Variants in SIPA1L1 observed in about 807,000 individuals in gnomAD.
The protein encoded by SIPA1L1 is signal-induced proliferation-associated 1-like protein 1.
Under a neutral mutation model 162.7 loss-of-function variants are expected in SIPA1L1, and 26 were observed. The observed-to-expected ratio is 0.16, with a 90% CI of 0.12 to 0.22. SIPA1L1 has a LOEUF of 0.22. SIPA1L1 is among the 10% of genes least tolerant of loss of function. The pLI is 1.00. For missense variants in SIPA1L1, 1,874 were observed against 2,241.0 expected (o/e 0.84, Z 3.31); for synonymous variants, 829 against 837.4 (o/e 0.99, Z 0.17).
chr14:71,425,707 T>G (rs2043509472), intron 2 of SIPA1L1, among the ~76,000 whole-genome samples: 1 of 152,154 alleles, frequency 6.6e-6, no homozygotes, highest in Non-Finnish European at 1.5e-5. Flanking sequence ...TGTATATACC[T>G]GTTAGTTCAG....
In SIPA1L1 at chr14:71,588,446, A is replaced by G. The variant is rs2034870289; in HGVS notation, c.574A>G (p.Ile192Val). 5 of 1,614,148 alleles carry G rather than the reference A, an allele frequency of 3.1e-6. No homozygotes were observed. The highest frequency in any genetic ancestry group is 1.3e-5 in the African/African-American group (1 of 75,054). ...TGATGTGGATAGCTTTGATGAATGT[A>G]TCTCACCTACATACAAGACTGGACC... ...ELDVDSFDEC[I>V]SPTYKTGPSL... The change falls in exon 5 of 24, where the codon ATC becomes GTC. Residue 192 changes from isoleucine to valine, a missense_variant. Physicochemically the swap from Ile to Val is conservative, Grantham distance 29. Coordinates refer to ENST00000381232, the MANE Select transcript of SIPA1L1 (RefSeq NM_001386936.1). The surrounding 1 kb of genome is among the most constrained non-coding windows in gnomAD (Gnocchi z 4.3).
chr14:71,610,496 A>G (rs2038082125), intron 5 of SIPA1L1, among the ~76,000 whole-genome samples: 1 of 152,210 alleles, frequency 6.6e-6, no homozygotes, highest in Admixed American at 6.5e-5. Flanking sequence ...AACATTTATT[A>G]AAGACCAACA....
chr14:71,702,095 T>C (rs2082135222), intron 14 of SIPA1L1, among the ~76,000 whole-genome samples: 1 of 152,238 alleles, frequency 6.6e-6, no homozygotes, highest in Non-Finnish European at 1.5e-5. Flanking sequence ...TGGTTTCTTA[T>C]ACTACATACC....
At chr14:71,398,964 C>T (rs1191631029) in intron 2 of SIPA1L1, among the ~76,000 whole-genome samples, 1 of 152,198 alleles carries the variant, frequency 6.6e-6, no homozygotes, top group Non-Finnish European at 1.5e-5. Flanking sequence ...AATACATATT[C>T]TTAAATAAAG....
chr14:71,460,726 A>T (rs528178829), intron 2 of SIPA1L1, among the ~76,000 whole-genome samples: 2 of 152,324 alleles, frequency 1.3e-5, no homozygotes, highest in African/African-American at 4.8e-5. Flanking sequence ...GGTGATGGTG[A>T]GTGGTACCAC....
intron 2 of SIPA1L1, among the ~76,000 whole-genome samples, chr14:71,374,670 C>T (rs2039209969): frequency 1.3e-5 from 2 of 148,358 alleles, no homozygotes; most frequent in Non-Finnish European, 3.0e-5. Flanking sequence ...TCCTGCTTCT[C>T]TCTCTGAGGC....
chr14:71,447,677 C>T (rs552731804), intron 2 of SIPA1L1, among the ~76,000 whole-genome samples: 1 of 151,066 alleles, frequency 6.6e-6, no homozygotes, highest in Admixed American at 6.6e-5. Context: ...GATTTTTGTG[C>T]CTCAGGCTCC....
chr14:71,354,746 G>A (rs1022687073), intron 2 of SIPA1L1, among the ~76,000 whole-genome samples: 1 of 152,170 alleles, frequency 6.6e-6, no homozygotes, highest in African/African-American at 2.4e-5. Context: ...CAAGCTCTAA[G>A]TTTTCCTAAG....
chr14:71,564,490 C>CTTTCTTTTTTT (rs756891527), intron 4 of SIPA1L1, among the ~76,000 whole-genome samples: 11 of 97,776 alleles, frequency 1.1e-4, no homozygotes, highest in South Asian at 6.8e-4. Context: ...CATTTTCTTT[C>CTTTCTTTTTTT]TTTTTTTTTT....
chr14:71,702,476 G>A lies in SIPA1L1; in HGVS notation c.3617G>A (p.Arg1206Lys). The change falls in exon 15 of 24, where the codon AGA becomes AAA. Residue 1206 changes from arginine to lysine, a missense_variant. Physicochemically the swap from Arg to Lys is conservative, Grantham distance 26. Coordinates refer to ENST00000381232, the MANE Select transcript of SIPA1L1 (RefSeq NM_001386936.1). Reference sequence around the variant, plus strand: ...GGAAAATCCACGCCTAGCTGGCAAAGAAGTGAGGATAGCATTGCTGACCAG... The same window carrying A: ...GGAAAATCCACGCCTAGCTGGCAAAAAAGTGAGGATAGCATTGCTGACCAG... ...GSGKSTPSWQ[R>K]SEDSIADQME... is the part of the protein sequence containing the mutation. 6.2e-7 allele frequency: 1 copy of A among 1,614,220 alleles called. No individual in the cohort carries two copies. Among genetic ancestry groups the A allele is most frequent in the Non-Finnish European group, 8.5e-7 (1 of 1,180,008 alleles).
intron 2 of SIPA1L1, among the ~76,000 whole-genome samples, chr14:71,459,072 A>G (rs757299358): frequency 3.8e-5 from 5 of 133,322 alleles, no homozygotes; most frequent in Non-Finnish European, 6.2e-5. Flanking sequence ...GCTCTGTCTG[A>G]AAAAAAAAAA....
At chr14:71,652,108 T>TG (rs1358933951) in intron 8 of SIPA1L1, among the ~76,000 whole-genome samples, 1 of 152,134 alleles carries the variant, frequency 6.6e-6, no homozygotes, top group African/African-American at 2.4e-5. Flanking sequence ...TTTCCTAAAA[T>TG]GAACGAAAAG....
chr14:71,544,962 G>T (rs1157931383), intron 4 of SIPA1L1, among the ~76,000 whole-genome samples: 1 of 152,082 alleles, frequency 6.6e-6, no homozygotes, highest in Non-Finnish European at 1.5e-5. Flanking sequence ...CCCTGGGATT[G>T]AGTGATCTAT....
Position 71,588,816 on chromosome 14 carries a change from A to C in SIPA1L1, c.944A>C (p.Asp315Ala). 1 of 1,614,160 alleles carries C rather than the reference A, an allele frequency of 6.2e-7. No homozygotes were observed. The highest frequency in any genetic ancestry group is 8.5e-7 in the Non-Finnish European group (1 of 1,180,002). ...EELGKSSDLE[D>A]NRSEDSVRPW... is the part of the protein sequence containing the mutation. ...CTTGGGAAGTCATCAGATCTTGAAG[A>C]TAACCGATCAGAAGACTCTGTCAGG... Residue 315 changes from aspartate to alanine, a missense_variant, in exon 5 of 24, where the codon GAT becomes GCT. By Grantham distance (126) the Asp-to-Ala change is moderately radical. Around this residue, in one of 5 missense-constraint regions of SIPA1L1, gnomAD observed 685 missense variants for 828.0 expected, o/e 0.83. Transcript: ENST00000381232. The surrounding 1 kb of genome is among the most constrained non-coding windows in gnomAD (Gnocchi z 4.3).
chr14:71,437,164 T>C (rs1219302333), intron 2 of SIPA1L1, among the ~76,000 whole-genome samples: 1 of 152,102 alleles, frequency 6.6e-6, no homozygotes, highest in African/African-American at 2.4e-5. Flanking sequence ...CTCTAAGAAT[T>C]TGTTTTGTGT....
At chr14:71,366,490 G>A (rs1047246207) in intron 2 of SIPA1L1, among the ~76,000 whole-genome samples, 1 of 152,144 alleles carries the variant, frequency 6.6e-6, no homozygotes, top group Admixed American at 6.5e-5. Context: ...AGGCTGGAGT[G>A]CAGTGGCGTG....
chr14:71,586,044 C>T (rs990689058), intron 4 of SIPA1L1, among the ~76,000 whole-genome samples: 12 of 152,112 alleles, frequency 7.9e-5, no homozygotes, highest in Non-Finnish European at 1.6e-4. Flanking sequence ...GTAGAAGTAT[C>T]TAGAAAGCTC....
Position 71,685,520 on chromosome 14 carries a change from C to G in SIPA1L1, c.3263C>G (p.Pro1088Arg), listed in dbSNP as rs2046211996. 6.2e-7 allele frequency: 1 copy of G among 1,614,172 alleles called. No individual in the cohort carries two copies. Among genetic ancestry groups the G allele is most frequent in the Admixed American group, 1.7e-5 (1 of 60,026 alleles). ...CAAGTCCCGTCCCAGGTGCAGAGTC[C>G]CATGACCTCGCGGCTGAATGCTGGA... The part of the protein sequence containing the change: ...SPQVPSQVQS[P>R]MTSRLNAGKG... The change falls in exon 13 of 24, where the codon CCC becomes CGC. Residue 1088 changes from proline (P) to arginine (R), a missense_variant. Coordinates refer to ENST00000381232, the MANE Select transcript of SIPA1L1 (RefSeq NM_001386936.1).
intron 4 of SIPA1L1, among the ~76,000 whole-genome samples, chr14:71,562,547 C>T (rs548717934): frequency 6.6e-6 from 1 of 152,116 alleles, no homozygotes; most frequent in Admixed American, 6.5e-5. Context: ...AATAAATGCT[C>T]AATTAATAGA....
Sources: allele counts gnomAD v4.1 joint callset (sites outside exome capture counted in the v4.1 genomes callset), GRCh38; gene constraint gnomAD v4.1.1; regional missense constraint gnomAD v4.1.1; non-coding constraint Gnocchi (gnomAD v3.1); transcripts MANE v1.5; gene names NCBI Gene and HGNC (gene_info 2026-07-23, HGNC 2026-07-21).